The following TBCD variants were observed in gnomAD, a reference collection of about 807,000 sequenced individuals.
TBCD encodes the protein tubulin folding cofactor D, also known as tubulin-specific chaperone D.
A neutral mutation model predicts 169.3 loss-of-function variants in TBCD; 105 were observed. The observed-to-expected ratio is 0.62, with a 90% CI of 0.53 to 0.73. TBCD has a LOEUF of 0.73. Ranked by LOEUF, TBCD falls within the 30% of genes least tolerant of loss-of-function variation. The pLI, the probability that TBCD is intolerant of heterozygous loss-of-function variation, is 0.00. For missense variants in TBCD, 1,444 were observed against 1,600.1 expected (o/e 0.90, Z 1.66); for synonymous variants, 700 against 643.9 (o/e 1.09, Z -1.32).
At chr17:82,917,686 G>C (rs548243630) in intron 23 of TBCD, among the ~76,000 whole-genome samples, 4 of 152,366 alleles carry the variant, frequency 2.6e-5, no homozygotes, top group Admixed American at 1.3e-4. Context: ...TCCGTGCTGG[G>C]CTGGCCCACG....
intron 4 of TBCD, among the ~76,000 whole-genome samples, chr17:82,767,982 A>C (rs1329351584): frequency 6.6e-6 from 1 of 150,442 alleles, no homozygotes; most frequent in Non-Finnish European, 1.5e-5. Context: ...TCCTGACCTC[A>C]GGTGATCCGC....
intron 34 of TBCD, among the ~76,000 whole-genome samples, chr17:82,933,101 G>A (rs1165095934): frequency 1.3e-5 from 2 of 152,142 alleles, no homozygotes; most frequent in African/African-American, 4.8e-5. Context: ...ACTCGCAGGG[G>A]AGAGGGCAGA....
chr17:82,845,470 C>T (rs2054951862), intron 13 of TBCD, among the ~76,000 whole-genome samples: 1 of 130,458 alleles, frequency 7.7e-6, no homozygotes. Flanking sequence ...GGCCCGGCCC[C>T]TTCCTCTCCG....
rs563723748 is a variant in TBCD at position 82,944,752 on chromosome 17, G to A, written c.*2289G>A. On this transcript the variant is annotated 3_prime_UTR_variant, in exon 39 of 39. Coordinates refer to ENST00000355528, the MANE Select transcript of TBCD (RefSeq NM_005993.5). ...CTAACCAGAAACCCTCCATGTGAGA[G>A]CAGAGACCTTGGAGATCCTGAGGGT... 5 of 152,356 alleles carry A rather than the reference G, an allele frequency of 3.3e-5. No individual in the cohort carries two copies. The East Asian group carries it at 7.7e-4, about 23-fold the overall frequency. The allele number at this position is 152,356 out of a possible 1,614,324, so 9.4% of individuals were successfully genotyped here. A position where few individuals can be genotyped will look rare whatever the true frequency, so the allele number is the denominator to read the frequency against.
chr17:82,757,756 G>C (rs529468403), intron 2 of TBCD, among the ~76,000 whole-genome samples: 4 of 152,248 alleles, frequency 2.6e-5, no homozygotes, highest in African/African-American at 9.6e-5. Context: ...CTTGGGAGAG[G>C]GTCAGCTGCA....
intron 13 of TBCD, among the ~76,000 whole-genome samples, chr17:82,824,377 G>A (rs988639512): frequency 1.3e-5 from 2 of 152,024 alleles, no homozygotes; most frequent in Non-Finnish European, 2.9e-5. Context: ...TAGAGATGGA[G>A]TTTTATCATG....
At chr17:82,759,975 C>T (rs753137735) in intron 2 of TBCD, among the ~76,000 whole-genome samples, 15 of 151,358 alleles carry the variant, frequency 9.9e-5, no homozygotes, top group Non-Finnish European at 1.9e-4. Flanking sequence ...CAACCTCCGC[C>T]TCCCAGGTTC....
chr17:82,863,228 T>C (rs927746880), intron 13 of TBCD, among the ~76,000 whole-genome samples: 2 of 152,090 alleles, frequency 1.3e-5, no homozygotes, highest in African/African-American at 4.8e-5. Flanking sequence ...CTTCACCACA[T>C]TGGCTGCAGG....
chr17:82,802,060 G>A (rs150527480), intron 9 of TBCD, among the ~76,000 whole-genome samples: 1 of 101,426 alleles, frequency 9.9e-6, no homozygotes, highest in African/African-American at 3.5e-5. Context: ...GTGTGGACGC[G>A]CTGTGGGGGA....
At chr17:82,849,539 G>A (rs1464265390) in intron 13 of TBCD, among the ~76,000 whole-genome samples, 1 of 152,082 alleles carries the variant, frequency 6.6e-6, no homozygotes, top group African/African-American at 2.4e-5. Flanking sequence ...GTCTTTTTAG[G>A]TTATCTCAAG....
At chr17:82,912,167 G>T (rs755795466) in intron 23 of TBCD, among the ~76,000 whole-genome samples, 1 of 151,550 alleles carries the variant, frequency 6.6e-6, no homozygotes, top group Non-Finnish European at 1.5e-5. Context: ...AGCCCTGGTC[G>T]TGCCCTGTGG....
intron 6 of TBCD, among the ~76,000 whole-genome samples, chr17:82,778,881 C>G (rs2048763824): frequency 6.6e-6 from 1 of 152,114 alleles, no homozygotes; most frequent in Non-Finnish European, 1.5e-5. Context: ...AGGGTGGTCT[C>G]AAACTCCTGA....
intron 7 of TBCD, among the ~76,000 whole-genome samples, chr17:82,785,734 A>G (rs1440533177): frequency 6.9e-6 from 1 of 144,726 alleles, no homozygotes; most frequent in Non-Finnish European, 1.5e-5. Flanking sequence ...GATCCCGTCC[A>G]TCGCAGCGGG....
chr17:82,798,904 G>A (rs900377521), intron 8 of TBCD, among the ~76,000 whole-genome samples: 1 of 151,858 alleles, frequency 6.6e-6, no homozygotes, highest in Non-Finnish European at 1.5e-5. Context: ...TACCACGCCC[G>A]GCTAATTTTT....
At chr17:82,785,095 G>A (rs1485710032) in intron 7 of TBCD, among the ~76,000 whole-genome samples, 1 of 88,606 alleles carries the variant, frequency 1.1e-5, no homozygotes. Flanking sequence ...CCATCGCAGC[G>A]GGAGGGGGGT....
intron 34 of TBCD, among the ~76,000 whole-genome samples, chr17:82,934,936 A>T (rs1157780489): frequency 1.3e-5 from 2 of 152,148 alleles, no homozygotes; most frequent in African/African-American, 4.8e-5. Context: ...CCATCTCTAC[A>T]AAAAATACAA....
Position 82,814,927 on chromosome 17 carries a change from C to T in TBCD, c.1311C>T (p.Leu437=), listed in dbSNP as rs371961650. 88 of 1,611,888 alleles carry T rather than the reference C, an allele frequency of 5.5e-5. No homozygotes were observed. In the East Asian group the frequency reaches 7.1e-4, roughly 13 times the overall value. The change falls in exon 13 of 39, where the codon CTC becomes CTT. Residue 437 remains leucine (L), a synonymous_variant. Transcript: ENST00000355528. ...GAGGCCTGTTGCTGCCGTCTCGACT[C>T]GTGGATGGTGAGTAGCTGAGGCACG... The part of the protein sequence containing the change: ...GRRGLLLPSR[L]VDVVAVILKA...
chr17:82,784,366 C>T (rs1485057095), intron 7 of TBCD, among the ~76,000 whole-genome samples: 1 of 152,122 alleles, frequency 6.6e-6, no homozygotes, highest in African/African-American at 2.4e-5. Context: ...GCCCCTCGTT[C>T]CGGCCGTGCT....
At chr17:82,894,069 A>AT (rs2146469205) in intron 17 of TBCD, among the ~76,000 whole-genome samples, 1 of 44,822 alleles carries the variant, frequency 2.2e-5, no homozygotes, top group East Asian at 3.7e-4. Context: ...GAAATCTTGG[A>AT]TTAGAAGGGA....
Sources: allele counts gnomAD v4.1 joint callset (sites outside exome capture counted in the v4.1 genomes callset), GRCh38; gene constraint gnomAD v4.1.1; transcripts MANE v1.5; gene names NCBI Gene and HGNC (gene_info 2026-07-23, HGNC 2026-07-21).